The following COL4A6 variants were observed in gnomAD, a reference collection of about 807,000 sequenced individuals.
The protein encoded by COL4A6 is collagen alpha-6(IV) chain.
COL4A6 carries 59 observed loss-of-function variants against 126.7 expected under a neutral mutation model. The ratio of observed to expected loss-of-function variants is 0.47; its 90% confidence interval spans 0.38 to 0.58. The LOEUF (loss-of-function observed/expected upper bound fraction) is 0.58, where lower values mean the gene tolerates loss of function less well. Ranked by LOEUF, COL4A6 falls within the 20% of genes least tolerant of loss-of-function variation. COL4A6 has a pLI of 0.00. For missense variants in COL4A6, 1,285 were observed against 1,337.3 expected (o/e 0.96, Z 0.61); for synonymous variants, 547 against 496.6 (o/e 1.10, Z -1.35).
chrX:108,373,175 G>A (rs369190671), intron 2 of COL4A6, among the ~76,000 whole-genome samples: 22 of 111,448 alleles, frequency 2.0e-4, no homozygotes, highest in African/African-American at 7.2e-4. Flanking sequence ...GGCATAGGCA[G>A]GAGGATCGCT....
At chrX:108,225,821 A>G (rs2036151847) in intron 3 of COL4A6, among the ~76,000 whole-genome samples, 1 of 112,764 alleles carries the variant, frequency 8.9e-6, no homozygotes, top group Admixed American at 9.3e-5. Flanking sequence ...TACCTCCGTT[A>G]AGGTTCCAGT....
intron 2 of COL4A6, among the ~76,000 whole-genome samples, chrX:108,437,514 T>C (rs1486203078): frequency 9.0e-6 from 1 of 111,492 alleles, no homozygotes; most frequent in Non-Finnish European, 1.9e-5. Flanking sequence ...TGTACTTAAG[T>C]TTCATTTCCA....
At chrX:108,238,328 T>C (rs1276924857) in intron 3 of COL4A6, among the ~76,000 whole-genome samples, 1 of 109,401 alleles carries the variant, frequency 9.1e-6, no homozygotes, top group Admixed American at 9.9e-5. Flanking sequence ...AGGTTGGTCT[T>C]GAACTCCTGA....
intron 2 of COL4A6, among the ~76,000 whole-genome samples, chrX:108,331,383 A>G (rs1378468559): frequency 8.9e-6 from 1 of 112,108 alleles, no homozygotes; most frequent in Non-Finnish European, 1.9e-5. Flanking sequence ...AGCCTACTAC[A>G]TGCTAGGCTA....
At chrX:108,248,290 A>G (rs1374881072) in intron 3 of COL4A6, among the ~76,000 whole-genome samples, 1 of 111,629 alleles carries the variant, frequency 9.0e-6, no homozygotes, top group Non-Finnish European at 1.9e-5. Context: ...ATGATCAAAA[A>G]GGTTTTGAGG....
chrX:108,408,929 C>G (rs1033466092), intron 2 of COL4A6, among the ~76,000 whole-genome samples: 3 of 111,725 alleles, frequency 2.7e-5, no homozygotes, highest in African/African-American at 9.8e-5. Flanking sequence ...CCATTGCACT[C>G]CAGCCTGGAC....
chrX:108,216,965 G>A (rs1312332904), intron 5 of COL4A6, among the ~76,000 whole-genome samples: 1 of 112,534 alleles, frequency 8.9e-6, no homozygotes, highest in Non-Finnish European at 1.9e-5. Context: ...GAAAACATTT[G>A]ATAAACACAC....
intron 3 of COL4A6, among the ~76,000 whole-genome samples, chrX:108,305,081 G>A (rs190215042): frequency 2.3e-3 from 256 of 111,997 alleles, no homozygotes; most frequent in Non-Finnish European, 3.5e-3. Context: ...GAGCAGACAA[G>A]TGAAGAGAAA....
intron 2 of COL4A6, among the ~76,000 whole-genome samples, chrX:108,344,490 A>T (rs929558389): frequency 8.9e-6 from 1 of 111,995 alleles, no homozygotes; most frequent in Non-Finnish European, 1.9e-5. Context: ...CTTAAGATAA[A>T]ACTTGAATTT....
intron 2 of COL4A6, among the ~76,000 whole-genome samples, chrX:108,397,423 T>A (rs1021952980): frequency 3.6e-5 from 4 of 111,273 alleles, no homozygotes; most frequent in African/African-American, 1.3e-4. Flanking sequence ...GGCGTGCACT[T>A]TTGTTTATCT....
rs2148103418 is a variant in COL4A6, at chrX:108,175,670, A to T, written c.2814T>A (p.Gly938=). 8 of 1,204,721 alleles carry T rather than the reference A, an allele frequency of 6.6e-6. No homozygotes were observed. The highest frequency in any genetic ancestry group is 7.8e-6 in the Non-Finnish European group (7 of 891,839). ...TGKMGPSGRA[G]TPGEKGDRGN... is the part of the protein sequence containing the mutation. ...CCAGCTCACCCTTTTCACCAGGAGT[A>T]CCAGCACGTCCAGATGGTCCCATTT... is the stretch of plus-strand genomic sequence containing the variant. Residue 938 remains glycine (G), a synonymous_variant, in exon 29 of 45, where the codon GGT becomes GGA. Transcript: ENST00000334504.
rs762159735 is a variant in COL4A6, at chrX:108,209,982, A to G, written c.533T>C (p.Leu178Pro). Reference sequence around the variant, plus strand: ...ATAACAACTTACAGTGATTCCATCCAGTCCAGGCAGCCCAGGATCCCCCTG... The same window carrying G: ...ATAACAACTTACAGTGATTCCATCCGGTCCAGGCAGCCCAGGATCCCCCTG... ...GMKGDPGLPG[L>P]DGITGPQGAP... Residue 178 changes from leucine (L) to proline (P), a missense_variant, in exon 8 of 45, where the codon CTG (leucine) becomes CCG (proline). Coordinates refer to ENST00000334504, the MANE Select transcript of COL4A6 (RefSeq NM_033641.4). 8.3e-7 allele frequency: 1 copy of G among 1,210,469 alleles called. No individual in the cohort carries two copies. The highest frequency in any genetic ancestry group is 1.1e-6 in the Non-Finnish European group (1 of 894,666).
chrX:108,311,660 C>T (rs1354349932), intron 2 of COL4A6, among the ~76,000 whole-genome samples: 2 of 112,067 alleles, frequency 1.8e-5, no homozygotes, highest in Non-Finnish European at 3.8e-5. Context: ...ATCCTGGCCT[C>T]TTTTCATCAC....
At chrX:108,246,316 C>T (rs938031413) in intron 3 of COL4A6, among the ~76,000 whole-genome samples, 4 of 111,848 alleles carry the variant, frequency 3.6e-5, no homozygotes, top group Non-Finnish European at 7.5e-5. Flanking sequence ...TGGCTGCAAG[C>T]AACAGAAGTC....
At chrX:108,376,559 G>A (rs923864948) in intron 2 of COL4A6, among the ~76,000 whole-genome samples, 1 of 111,815 alleles carries the variant, frequency 8.9e-6, no homozygotes, top group African/African-American at 3.3e-5. Flanking sequence ...AGCCAAGATC[G>A]TGCCATTGCA....
intron 2 of COL4A6, among the ~76,000 whole-genome samples, chrX:108,435,322 T>C (rs535427764): frequency 8.9e-6 from 1 of 112,004 alleles, no homozygotes; most frequent in South Asian, 3.7e-4. Context: ...TTCCTAGATA[T>C]ATTGGCTGAT....
intron 3 of COL4A6, among the ~76,000 whole-genome samples, chrX:108,289,453 T>G (rs773879255): frequency 9.0e-6 from 1 of 111,677 alleles, no homozygotes; most frequent in South Asian, 3.8e-4. Flanking sequence ...GGGTGTTCTT[T>G]GTACTATTCT....
chrX:108,400,984 T>C (rs1191597687), intron 2 of COL4A6, among the ~76,000 whole-genome samples: 1 of 111,730 alleles, frequency 9.0e-6, no homozygotes, highest in African/African-American at 3.2e-5. Flanking sequence ...TATTTCTCTA[T>C]GTTCTCTTGT....
At chrX:108,168,725 T>C (rs929689616) in intron 37 of COL4A6, among the ~76,000 whole-genome samples, 1 of 111,999 alleles carries the variant, frequency 8.9e-6, no homozygotes, top group African/African-American at 3.2e-5. Context: ...ACAAGTAACT[T>C]CCTTGTTTAA....
Sources: allele counts gnomAD v4.1 joint callset (sites outside exome capture counted in the v4.1 genomes callset), GRCh38; gene constraint gnomAD v4.1.1; transcripts MANE v1.5; gene names NCBI Gene and HGNC (gene_info 2026-07-23, HGNC 2026-07-21).